The following ZNG1B variants were observed in gnomAD, a reference collection of about 807,000 sequenced individuals.
ZNG1B encodes the protein Zn regulated GTPase metalloprotein activator 1B, also known as zinc-regulated GTPase metalloprotein activator 1B.
the ZNG1B span, among the ~76,000 whole-genome samples, chr2:113,488,577 G>A: frequency 1.3e-5 from 2 of 148,172 alleles, no homozygotes; most frequent in South Asian, 4.2e-4. Context: ...AGGCACCAGA[G>A]AAAGGTGAAG....
chr2:113,460,945 A>G, the ZNG1B span, among the ~76,000 whole-genome samples: 1 of 150,088 alleles, frequency 6.7e-6, no homozygotes. Flanking sequence ...TGAACACAGG[A>G]TTCTGTAATT....
At chr2:113,474,323 C>T in the ZNG1B span, among the ~76,000 whole-genome samples, 15 of 148,602 alleles carry the variant, frequency 1.0e-4, no homozygotes, top group South Asian at 2.1e-4. Flanking sequence ...TCTGTGGGAT[C>T]GGTGGTGATA....
At chr2:113,461,228 T>C in the ZNG1B span, among the ~76,000 whole-genome samples, 1,238 of 150,962 alleles carry the variant, frequency 8.2e-3, 18 homozygotes, top group African/African-American at 0.029. Context: ...TGCATTTTTT[T>C]TTAAATTTTT....
At chr2:113,461,641 G>A in the ZNG1B span, among the ~76,000 whole-genome samples, 6 of 151,314 alleles carry the variant, frequency 4.0e-5, no homozygotes, top group Non-Finnish European at 7.4e-5. Context: ...TAGAGCTTCT[G>A]ATTATTATCA....
At chr2:113,447,958 A>G in the ZNG1B span, 1 of 390,072 alleles carries the variant, frequency 2.6e-6, no homozygotes, top group South Asian at 2.0e-5. Context: ...TCATCTTTCA[A>G]ACTCCTATTC....
the ZNG1B span, among the ~76,000 whole-genome samples, chr2:113,440,658 G>A: frequency 6.6e-6 from 1 of 150,650 alleles, no homozygotes; most frequent in Non-Finnish European, 1.5e-5. Flanking sequence ...GACATGTATA[G>A]CCTACATGTA....
At chr2:113,476,447 A>T in the ZNG1B span, among the ~76,000 whole-genome samples, 12 of 149,970 alleles carry the variant, frequency 8.0e-5, no homozygotes, top group Admixed American at 1.3e-4. Context: ...GTCCTCCCAT[A>T]GCTCGGAGTA....
the ZNG1B span, among the ~76,000 whole-genome samples, chr2:113,489,469 G>A: frequency 7.2e-5 from 11 of 151,822 alleles, no homozygotes; most frequent in Non-Finnish European, 1.3e-4. Flanking sequence ...GAAAAACAAG[G>A]TATACAGGCA....
the ZNG1B span, among the ~76,000 whole-genome samples, chr2:113,444,603 TTAGC>T: frequency 6.6e-6 from 1 of 152,054 alleles, no homozygotes. Context: ...CAGTGTCCCT[TTAGC>T]TATTATATTA....
At chr2:113,450,545 A>G in the ZNG1B span, among the ~76,000 whole-genome samples, 3 of 141,918 alleles carry the variant, frequency 2.1e-5, no homozygotes, top group Non-Finnish European at 4.5e-5. Flanking sequence ...ATAAGGTTGT[A>G]TTGTTTTCAA....
the ZNG1B span, among the ~76,000 whole-genome samples, chr2:113,488,329 T>C: frequency 1.2e-4 from 19 of 152,122 alleles, no homozygotes; most frequent in Non-Finnish European, 2.4e-4. Flanking sequence ...GAGTACTACA[T>C]CAAGGGAACA....
At chr2:113,472,843 A>G in the ZNG1B span, among the ~76,000 whole-genome samples, 4 of 151,720 alleles carry the variant, frequency 2.6e-5, no homozygotes, top group Admixed American at 6.6e-5. Flanking sequence ...CCATGAATCT[A>G]TATCTCTGTT....
At chr2:113,454,649 G>A in the ZNG1B span, 1 of 1,255,964 alleles carries the variant, frequency 8.0e-7, no homozygotes, top group East Asian at 2.6e-5. Flanking sequence ...AACTGAAATA[G>A]GTTAGTTTTA....
chr2:113,485,262 G>A, the ZNG1B span, among the ~76,000 whole-genome samples: 11 of 136,400 alleles, frequency 8.1e-5, no homozygotes, highest in Non-Finnish European at 1.4e-4. Flanking sequence ...TAGATGAGTA[G>A]GTCTCTGGTA....
At chr2:113,484,864 G>A in the ZNG1B span, among the ~76,000 whole-genome samples, 24 of 151,250 alleles carry the variant, frequency 1.6e-4, no homozygotes, top group Middle Eastern at 3.4e-3. Context: ...AGTAGAGATG[G>A]GGTTTCACCA....
chr2:113,457,718 G>A, the ZNG1B span, among the ~76,000 whole-genome samples: 1 of 140,746 alleles, frequency 7.1e-6, no homozygotes, highest in Non-Finnish European at 1.6e-5. Flanking sequence ...AAACAATTGA[G>A]CTAGTTAACC....
At chr2:113,461,803 TG>T in the ZNG1B span, among the ~76,000 whole-genome samples, 2 of 151,808 alleles carry the variant, frequency 1.3e-5, no homozygotes, top group South Asian at 4.2e-4. Flanking sequence ...CTTGCTATGT[TG>T]CCCAGGTTGG....
chr2:113,478,021 C>A, the ZNG1B span, among the ~76,000 whole-genome samples: 2 of 152,064 alleles, frequency 1.3e-5, no homozygotes, highest in Non-Finnish European at 2.9e-5. Flanking sequence ...AATAATATTC[C>A]ATTTTCTACA....
At chr2:113,460,652 T>C in the ZNG1B span, 1 of 1,593,072 alleles carries the variant, frequency 6.3e-7, no homozygotes, top group Non-Finnish European at 8.5e-7. Context: ...AGTAACTTTA[T>C]TCAAACTTTT....
Sources: allele counts gnomAD v4.1 joint callset (sites outside exome capture counted in the v4.1 genomes callset), GRCh38; gene constraint gnomAD v4.1.1; transcripts MANE v1.5; gene names NCBI Gene and HGNC (gene_info 2026-07-23, HGNC 2026-07-21).